COL25A1: variants seen among roughly 807,000 people sequenced by gnomAD.
COL25A1 encodes the protein collagen type XXV alpha 1 chain.
A neutral mutation model predicts 128.4 loss-of-function variants in COL25A1; 103 were observed. That is an observed-to-expected ratio of 0.80 (90% CI 0.68 to 0.94). The LOEUF (loss-of-function observed/expected upper bound fraction) is 0.94, where lower values mean the gene tolerates loss of function less well. COL25A1 is among the 40% of genes least tolerant of loss of function. The probability of loss-of-function intolerance (pLI) is 0.00; values close to 1 mark genes in which losing one functional copy is unlikely to be tolerated. For synonymous variants in COL25A1, 279 were observed against 277.2 expected, an observed-to-expected ratio of 1.01 and a Z score of -0.06; for missense variants, 745 against 840.0, an observed-to-expected ratio of 0.89 and a Z score of 1.40.
intron 3 of COL25A1, among the ~76,000 whole-genome samples, chr4:109,239,415 TATATA>T (rs527686043): frequency 2.2e-5 from 3 of 138,040 alleles, no homozygotes; most frequent in African/African-American, 7.9e-5. Flanking sequence ...TATATATATA[TATATA>T]TATTTATTTA....
intron 11 of COL25A1, among the ~76,000 whole-genome samples, chr4:108,936,334 C>T (rs575463900): frequency 4.1e-4 from 63 of 152,098 alleles, no homozygotes; most frequent in Non-Finnish European, 6.6e-4. Flanking sequence ...TTTGGGAGGC[C>T]GAGGCAGGTG....
rs186483987 is a variant in COL25A1 at position 109,244,297 on chromosome 4, T to C, written c.367+56286A>G. Among the ~76,000 whole-genome samples the C allele has an allele frequency of 4.8e-4, 73 of 152,192 alleles. 1 individual carries two copies. The highest frequency in any genetic ancestry group is 9.8e-4 in the Admixed American group (15 of 15,278). ...TATCTTTTTCCACTTTCCAATATTT[T>C]AGTATCCATTGACATACTAAAAAAA... On this transcript the variant is annotated intron_variant, in intron 3 of 37. Transcript: ENST00000399132.
At chr4:109,067,559 T>C (rs1762557735) in intron 3 of COL25A1, among the ~76,000 whole-genome samples, 1 of 152,228 alleles carries the variant, frequency 6.6e-6, no homozygotes, top group African/African-American at 2.4e-5. Context: ...TTCATCGTGT[T>C]GGGGAACATT....
At chr4:109,300,366 T>A (rs1725395135) in intron 3 of COL25A1, among the ~76,000 whole-genome samples, 1 of 152,244 alleles carries the variant, frequency 6.6e-6, no homozygotes, top group Admixed American at 6.5e-5. Flanking sequence ...GGTGATTATA[T>A]CCTTTGCTTT....
intron 3 of COL25A1, among the ~76,000 whole-genome samples, chr4:109,103,744 T>C (rs1366103565): frequency 7.2e-5 from 11 of 152,162 alleles, no homozygotes; most frequent in Admixed American, 2.6e-4. Context: ...TCACAACCAC[T>C]AGCGTTCTGT....
chr4:109,128,535 G>C (rs1768859089), intron 3 of COL25A1, among the ~76,000 whole-genome samples: 1 of 152,120 alleles, frequency 6.6e-6, no homozygotes, highest in African/African-American at 2.4e-5. Flanking sequence ...CTTCCTTCCT[G>C]AAATTTACTC....
At chr4:109,151,997 A>G (rs1771548132) in intron 3 of COL25A1, among the ~76,000 whole-genome samples, 1 of 152,138 alleles carries the variant, frequency 6.6e-6, no homozygotes. Flanking sequence ...ATATTTCCTA[A>G]TGATGTTCCT....
chr4:109,096,218 C>T (rs4365798), intron 3 of COL25A1, among the ~76,000 whole-genome samples: 1 of 152,280 alleles, frequency 6.6e-6, no homozygotes, highest in East Asian at 1.9e-4. Context: ...AACTTTACTT[C>T]TACAGTTCAC....
intron 3 of COL25A1, among the ~76,000 whole-genome samples, chr4:109,183,474 G>A (rs576499417): frequency 1.3e-5 from 2 of 152,096 alleles, no homozygotes; most frequent in Non-Finnish European, 2.9e-5. Flanking sequence ...CATTTTACAA[G>A]CTTGCCTGAC....
intron 8 of COL25A1, among the ~76,000 whole-genome samples, chr4:108,949,721 A>G (rs56928243): frequency 0.043 from 6,600 of 151,972 alleles, 370 homozygotes; most frequent in African/African-American, 0.13. Flanking sequence ...ATTTTTAGTA[A>G]AGACAGGGTT....
At chr4:109,024,766 G>T (rs1428644988) in intron 5 of COL25A1, among the ~76,000 whole-genome samples, 1 of 114,910 alleles carries the variant, frequency 8.7e-6, no homozygotes, top group Non-Finnish European at 1.6e-5. Flanking sequence ...AATGATTTTT[G>T]AATTCGAGTT....
rs965562215 is a variant in COL25A1, at chr4:109,245,590, T to C, written c.367+54993A>G. On this transcript the variant is annotated intron_variant, in intron 3 of 37. Coordinates refer to ENST00000399132, the MANE Select transcript of COL25A1 (RefSeq NM_198721.4). Reference sequence around the variant, plus strand: ...CATCCAATCACCTATAACCATTATATGAATACCTGCTATGAACCAAAGTCT... The same window carrying C: ...CATCCAATCACCTATAACCATTATACGAATACCTGCTATGAACCAAAGTCT... 1.5e-4 allele frequency among the ~76,000 whole-genome samples: 23 copies of C among 152,268 alleles called. No homozygotes were observed. In the East Asian group the frequency reaches 4.4e-3, roughly 29 times the overall value.
At chr4:108,930,157 G>A (rs1220304565) in intron 11 of COL25A1, among the ~76,000 whole-genome samples, 1 of 152,108 alleles carries the variant, frequency 6.6e-6, no homozygotes, top group East Asian at 1.9e-4. Flanking sequence ...AGGTGACCAA[G>A]CAGAAGTCTA....
chr4:108,902,728 A>G (rs1443992755), intron 13 of COL25A1, among the ~76,000 whole-genome samples: 2 of 152,024 alleles, frequency 1.3e-5, no homozygotes, highest in African/African-American at 4.8e-5. Flanking sequence ...CTTCCTATAT[A>G]AAGTCACACT....
At chr4:108,813,985 A>G in intron 37 of COL25A1, 56 bp from the exon 38 acceptor site, 4 of 1,372,680 alleles carry the variant, frequency 2.9e-6, no homozygotes, top group Non-Finnish European at 4.1e-6. Context: ...CTTGAATTAA[A>G]ATTTTAAATC....
chr4:108,859,677 G>A lies in COL25A1; in HGVS notation c.1299C>T (p.Gly433=). The A allele has an allele frequency of 6.2e-7, 1 of 1,613,794 alleles. No individual in the cohort carries two copies. Among genetic ancestry groups the A allele is most frequent in the Non-Finnish European group, 8.5e-7 (1 of 1,179,864 alleles). ...TTGCCTGTAAGGCTTCGTGGAGGTT[G>A]CCGTTGTAGTCTATGATCTCAGTGG... ...QGATEIIDYN[G]NLHEALQRIT... Residue 433 remains glycine, a synonymous_variant, in exon 24 of 38, where the codon GGC becomes GGT. Transcript: ENST00000399132.
chr4:109,045,146 A>C (rs1341981187), intron 5 of COL25A1, among the ~76,000 whole-genome samples: 1 of 152,162 alleles, frequency 6.6e-6, no homozygotes, highest in African/African-American at 2.4e-5. Context: ...TCTTTTCTCT[A>C]GCTTATTGTA....
rs115782438 is a variant in COL25A1 at position 109,238,937 on chromosome 4, A to T, written c.367+61646T>A. On this transcript the variant is annotated intron_variant, in intron 3 of 37. Coordinates refer to ENST00000399132, the MANE Select transcript of COL25A1 (RefSeq NM_198721.4). ...CTGCATGCAGACTGGTGGGGGTAGG[A>T]GAGTAGAGGTAGCCACTTTCTGGAT... Among the ~76,000 whole-genome samples the T allele has an allele frequency of 4.3e-3, 653 of 152,060 alleles. 3 individuals carry two copies. The highest frequency in any genetic ancestry group is 6.1e-3 in the Non-Finnish European group (414 of 67,938).
At chr4:108,931,951 G>A (rs1746803157) in intron 11 of COL25A1, among the ~76,000 whole-genome samples, 1 of 152,206 alleles carries the variant, frequency 6.6e-6, no homozygotes, top group African/African-American at 2.4e-5. Context: ...AGCAGGCAGT[G>A]TGCACAACTG....
Sources: allele counts gnomAD v4.1 joint callset (sites outside exome capture counted in the v4.1 genomes callset), GRCh38; gene constraint gnomAD v4.1.1; transcripts MANE v1.5; gene names NCBI Gene and HGNC (gene_info 2026-07-23, HGNC 2026-07-21).